CNDP1: variants seen among roughly 807,000 people sequenced by gnomAD.
CNDP1 encodes the protein beta-Ala-His dipeptidase.
In CNDP1, 44 loss-of-function variants were observed where a neutral mutation model predicts 58.1. That is an observed-to-expected ratio of 0.76 (90% CI 0.60 to 0.97). The LOEUF is 0.97. Among genes scored for constraint, CNDP1 ranks in the 50% least tolerant of loss-of-function variants. The pLI is 0.00. For synonymous variants in CNDP1, 254 were observed against 252.6 expected (o/e 1.01, Z -0.05); for missense variants, 616 against 655.1 (o/e 0.94, Z 0.65).
intron 4 of CNDP1, 149 bp from the exon 5 acceptor site, chr18:74,561,898 C>A: frequency 1.6e-6 from 1 of 623,704 alleles, no homozygotes; most frequent in Non-Finnish European, 2.9e-6. Context: ...CATAAGAAAT[C>A]ATACTTTGCA....
intron 1 of CNDP1, among the ~76,000 whole-genome samples, chr18:74,536,279 T>C (rs1355927138): frequency 6.6e-6 from 1 of 152,046 alleles, no homozygotes; most frequent in African/African-American, 2.4e-5. Flanking sequence ...TTTTTGCTGA[T>C]CCTCTCCCTC....
chr18:74,556,545 C>A, intron 2 of CNDP1, 79 bp downstream of exon 2: 1 of 1,557,322 alleles, frequency 6.4e-7, no homozygotes, highest in East Asian at 2.2e-5. Context: ...CAATTATTTG[C>A]TTGGAGATGT....
Position 74,584,780 on chromosome 18 carries a change from A to G in CNDP1, c.*218A>G. On this transcript the variant is annotated 3_prime_UTR_variant, in exon 12 of 12. Coordinates refer to ENST00000358821, the MANE Select transcript of CNDP1 (RefSeq NM_032649.6). The stretch of plus-strand genomic sequence containing the variant: ...AGGTCCCCCACTGCACACCTTCCTC[A>G]AGTCATAGCTGCTTGCAGCAACTTG... The G allele has an allele frequency of 2.0e-6, 1 of 500,304 alleles. No homozygotes were observed. The highest frequency in any genetic ancestry group is 3.6e-6 in the Non-Finnish European group (1 of 279,370). The allele number at this position is 500,304 out of a possible 1,614,324, so 31.0% of individuals were successfully genotyped here.
In CNDP1 at chr18:74,542,050, C is replaced by G. The variant is rs1454897545; in HGVS notation, c.24+7359C>G. On this transcript the variant is annotated intron_variant, in intron 1 of 11. Coordinates refer to ENST00000358821, the MANE Select transcript of CNDP1 (RefSeq NM_032649.6). ...TGCCTTCTAGGACTAGCTCCAGTGC[C>G]CTGGGATCCCAGAGTGCATGGCGCT... is the stretch of plus-strand genomic sequence containing the variant. 5.3e-5 allele frequency among the ~76,000 whole-genome samples: 8 copies of G among 152,316 alleles called. No homozygotes were observed. In the East Asian group the frequency reaches 7.7e-4, roughly 15 times the overall value.
intron 1 of CNDP1, among the ~76,000 whole-genome samples, chr18:74,554,565 C>T (rs554932992): frequency 6.6e-6 from 1 of 152,178 alleles, no homozygotes; most frequent in East Asian, 1.9e-4. Context: ...AGCTCACCTT[C>T]ACTCTATGGG....
intron 6 of CNDP1, among the ~76,000 whole-genome samples, chr18:74,569,352 C>T (rs1981411710): frequency 6.6e-6 from 1 of 152,140 alleles, no homozygotes; most frequent in Non-Finnish European, 1.5e-5. Flanking sequence ...AAAGCCCAAC[C>T]TGTAGAAATT....
chr18:74,534,624 T>G lies in CNDP1; in HGVS notation c.-44T>G, dbSNP rs1466121888. Reference sequence around the variant, plus strand: ...CATGGGACTCCCTCTGCCACATTTTTTGGAGGTTGGGAAAGTTGCTAGAGG... The same window carrying G: ...CATGGGACTCCCTCTGCCACATTTTGTGGAGGTTGGGAAAGTTGCTAGAGG... On this transcript the variant is annotated 5_prime_UTR_variant, in exon 1 of 12. Transcript: ENST00000358821. 1 of 1,612,468 alleles carries G rather than the reference T, an allele frequency of 6.2e-7. No individual in the cohort carries two copies. Among genetic ancestry groups the G allele is most frequent in the African/African-American group, 1.3e-5 (1 of 74,906 alleles).
rs754854684 is a variant in CNDP1, at chr18:74,578,213, G to C, written c.1053G>C (p.Gly351=). The C allele has an allele frequency of 5.6e-6, 9 of 1,613,958 alleles. No individual in the cohort carries two copies. The Admixed American group carries it at 1.3e-4, about 24-fold the overall frequency. ...GGTACCCATCTCTTTCTATTCATGG[G>C]ATCGAGGGCGCGTTTGATGAGCCTG... is the stretch of plus-strand genomic sequence containing the variant. ...LWRYPSLSIH[G]IEGAFDEPGT... The change falls in exon 9 of 12, where the codon GGG becomes GGC. Residue 351 remains glycine (G), a synonymous_variant. Coordinates refer to ENST00000358821, the MANE Select transcript of CNDP1 (RefSeq NM_032649.6).
rs570413056 is a variant in CNDP1, at chr18:74,545,597, C to T, written c.25-10741C>T. On this transcript the variant is annotated intron_variant, in intron 1 of 11. Coordinates refer to ENST00000358821, the MANE Select transcript of CNDP1 (RefSeq NM_032649.6). The surrounding 1 kb of genome is among the most constrained non-coding windows in gnomAD (Gnocchi z 4.1). ...CGTGAGAAATCTCTGCTCTCCTCCT[C>T]GCCACCCCTCCTCTGTCCCCAGTCC... Among the ~76,000 whole-genome samples, 7 of 152,236 alleles carry T rather than the reference C, an allele frequency of 4.6e-5. No homozygotes were observed. The South Asian group carries it at 1.2e-3, about 27-fold the overall frequency.
chr18:74,562,271 A>G (rs1440596985), intron 5 of CNDP1, 136 bp downstream of exon 5: 5 of 733,386 alleles, frequency 6.8e-6, no homozygotes, highest in South Asian at 1.6e-5. Flanking sequence ...TGTGTGCGAC[A>G]ATGGTATCCA....
intron 1 of CNDP1, among the ~76,000 whole-genome samples, chr18:74,541,410 C>G (rs1980621737): frequency 6.6e-6 from 1 of 152,170 alleles, no homozygotes. Context: ...GGCTCGGGAC[C>G]CTGGCAGGTT....
At chr18:74,577,074 A>AT in intron 8 of CNDP1, 45 bp downstream of exon 8, 1 of 1,529,076 alleles carries the variant, frequency 6.5e-7, no homozygotes, top group Non-Finnish European at 8.9e-7. Flanking sequence ...GCATGAGGCT[A>AT]GTATATCATA....
chr18:74,567,793 T>C (rs181263275), intron 6 of CNDP1, among the ~76,000 whole-genome samples: 3 of 152,226 alleles, frequency 2.0e-5, no homozygotes, highest in Non-Finnish European at 4.4e-5. Context: ...AACTGTGCTG[T>C]GTCCTGCTCC....
Position 74,585,499 on chromosome 18 carries a change from G to GCATT in CNDP1, c.*942_*945dup, listed in dbSNP as rs1288076526. ...AAATTTAAAGCCATCAGCTAATGCT[G>GCATT]CATTCATTAATCATTTTAGTTAACC... On this transcript the variant is annotated 3_prime_UTR_variant, in exon 12 of 12. Coordinates refer to ENST00000358821, the MANE Select transcript of CNDP1 (RefSeq NM_032649.6). 1 of 152,180 alleles carries GCATT rather than the reference G, an allele frequency of 6.6e-6. No homozygotes were observed. The highest frequency in any genetic ancestry group is 2.4e-5 in the African/African-American group (1 of 41,446). 9.4% of individuals were successfully genotyped at this position (152,180 alleles called of 1,614,324 possible).
At chr18:74,584,110 A>T in intron 11 of CNDP1, 1 of 252,476 alleles carries the variant, frequency 4.0e-6, no homozygotes, top group Non-Finnish European at 7.3e-6. Context: ...TTGAGGAAAC[A>T]CAAATATTTA....
In CNDP1 at chr18:74,558,690, G is replaced by A. The variant is rs1024458967; in HGVS notation, c.154-633G>A. On this transcript the variant is annotated intron_variant, in intron 2 of 11. Transcript: ENST00000358821. ...ATTACAGGTGTGAGCCACCGCACCC[G>A]GCTGGGAGCATTACTTTCTCATGCA... 3.9e-5 allele frequency among the ~76,000 whole-genome samples: 6 copies of A among 152,068 alleles called. No homozygotes were observed. In the East Asian group the frequency reaches 5.8e-4, roughly 15 times the overall value.
At chr18:74,572,808 A>AAAG (rs1555710824) in intron 7 of CNDP1, among the ~76,000 whole-genome samples, 435 of 135,358 alleles carry the variant, frequency 3.2e-3, no homozygotes, top group Non-Finnish European at 5.0e-3. Context: ...AAAAAAAAAA[A>AAAG]AAAGAAAGAA....
rs200877594 is a variant in CNDP1 at position 74,556,370 on chromosome 18, G to C, written c.57G>C (p.Leu19=). The C allele has an allele frequency of 6.4e-5, 103 of 1,614,078 alleles. No homozygotes were observed. Among genetic ancestry groups the C allele is most frequent in the Admixed American group, 4.3e-4 (26 of 60,010 alleles). ...CCCTGCTGGCTGTGCTGCTGCTGCT[G>C]CTGGAGCGCGGCATGTTCTCCTCAC... is the stretch of plus-strand genomic sequence containing the variant. ...AASLLAVLLL[L]LERGMFSSPS... is the part of the protein sequence containing the mutation. Residue 19 remains leucine, a synonymous_variant, in exon 2 of 12, where the codon CTG becomes CTC. Coordinates refer to ENST00000358821, the MANE Select transcript of CNDP1 (RefSeq NM_032649.6).
intron 1 of CNDP1, among the ~76,000 whole-genome samples, chr18:74,544,588 G>A (rs1346896623): frequency 6.6e-6 from 1 of 151,796 alleles, no homozygotes. Flanking sequence ...CATGCTGGCA[G>A]ATGCCTGTAA....
Sources: gnomAD v4.1 joint callset for allele counts (sites outside exome capture counted in the v4.1 genomes callset) on GRCh38, gnomAD v4.1.1 for gene constraint, Gnocchi (gnomAD v3.1) non-coding constraint, MANE v1.5 for transcripts, NCBI Gene and HGNC (gene_info 2026-07-23, HGNC 2026-07-21) for gene names.